The following WFDC8 variants were observed in gnomAD, a reference collection of about 807,000 sequenced individuals.
WFDC8 encodes WAP four-disulfide core domain 8, also known as WAP four-disulfide core domain protein 8.
In WFDC8, 24 loss-of-function variants were observed where a neutral mutation model predicts 27.0. The observed-to-expected ratio is 0.89, with a 90% CI of 0.64 to 1.25. The LOEUF (loss-of-function observed/expected upper bound fraction) is 1.25, where lower values mean the gene tolerates loss of function less well. WFDC8 is among the 50% of genes most tolerant of loss of function. The probability of loss-of-function intolerance (pLI) is 0.00; values close to 1 mark genes in which losing one functional copy is unlikely to be tolerated. For missense variants in WFDC8, 287 were observed against 295.9 expected, an observed-to-expected ratio of 0.97 and a Z score of 0.22; for synonymous variants, 106 against 99.7, an observed-to-expected ratio of 1.06 and a Z score of -0.38.
intron 5 of WFDC8, 76 bp from the exon 6 acceptor site, chr20:45,552,241 A>G (rs1267262220): frequency 6.4e-7 from 1 of 1,555,422 alleles, no homozygotes; most frequent in African/African-American, 1.4e-5. Flanking sequence ...GAATCTTGGG[A>G]ATCTCAAACA....
At chr20:45,556,933 CTGTT>C (rs1467588683) in intron 3 of WFDC8, among the ~76,000 whole-genome samples, 1 of 152,160 alleles carries the variant, frequency 6.6e-6, no homozygotes, top group African/African-American at 2.4e-5. Context: ...GTCATGGTCA[CTGTT>C]TGGTGGTCTG....
intron 5 of WFDC8, 51 bp from the exon 6 acceptor site, chr20:45,552,216 TG>T (rs1980060123): frequency 6.3e-7 from 1 of 1,599,680 alleles, no homozygotes; most frequent in South Asian, 1.1e-5. Context: ...GGTCATAATT[TG>T]AGACAAATTT....
At chr20:45,569,174 T>G (rs1980783690) in intron 1 of WFDC8, among the ~76,000 whole-genome samples, 1 of 152,226 alleles carries the variant, frequency 6.6e-6, no homozygotes, top group Non-Finnish European at 1.5e-5. Flanking sequence ...AAGACCCAGG[T>G]CTTACCTCTT....
chr20:45,552,300 A>C, intron 5 of WFDC8, 135 bp from the exon 6 acceptor site: 1 of 1,014,204 alleles, frequency 9.9e-7, no homozygotes, highest in Non-Finnish European at 1.4e-6. Flanking sequence ...CAGTAACAAT[A>C]GACTGGAGGA....
intron 2 of WFDC8, among the ~76,000 whole-genome samples, chr20:45,561,826 T>A (rs1295613412): frequency 6.6e-6 from 1 of 151,706 alleles, no homozygotes; most frequent in Non-Finnish European, 1.5e-5. Context: ...AGTGATATCA[T>A]AAGACAGATG....
chr20:45,568,696 T>G, intron 1 of WFDC8: 1 of 534,440 alleles, frequency 1.9e-6, no homozygotes. Context: ...AAGTCACCAC[T>G]GCCATGCTGA....
intron 4 of WFDC8, 90 bp from the exon 5 acceptor site, chr20:45,553,366 C>T: frequency 6.7e-7 from 1 of 1,484,282 alleles, no homozygotes; most frequent in Non-Finnish European, 9.0e-7. Context: ...AAGCTAGTAT[C>T]CCTTTCTGCA....
At chr20:45,573,408 T>C (rs1980937279) in intron 1 of WFDC8, among the ~76,000 whole-genome samples, 1 of 152,174 alleles carries the variant, frequency 6.6e-6, no homozygotes. Context: ...CCCCAAGTAG[T>C]GTACATTGTA....
chr20:45,577,023 A>G (rs1981068221), intron 1 of WFDC8, among the ~76,000 whole-genome samples: 1 of 151,382 alleles, frequency 6.6e-6, no homozygotes, highest in African/African-American at 2.4e-5. Flanking sequence ...ATCAATACTC[A>G]TGATGCTTTT....
At chr20:45,555,973 T>C in intron 3 of WFDC8, 105 bp from the exon 4 acceptor site, 1 of 1,204,236 alleles carries the variant, frequency 8.3e-7, no homozygotes, top group South Asian at 1.5e-5. Context: ...ACCCAAGTCA[T>C]AAAAGGAGCC....
intron 1 of WFDC8, among the ~76,000 whole-genome samples, chr20:45,578,630 G>A (rs1383308767): frequency 7.1e-6 from 1 of 141,266 alleles, no homozygotes; most frequent in East Asian, 1.9e-4. Context: ...AGACAGAAAT[G>A]TGTCTTCCTT....
intron 1 of WFDC8, among the ~76,000 whole-genome samples, chr20:45,573,690 T>A (rs1160202690): frequency 6.6e-6 from 1 of 152,216 alleles, no homozygotes; most frequent in Non-Finnish European, 1.5e-5. Context: ...ATCCATTGAG[T>A]TGATTTTTTT....
At chr20:45,568,729 T>C (rs1980768731) in intron 1 of WFDC8, 2 of 522,908 alleles carry the variant, frequency 3.8e-6, no homozygotes, top group Non-Finnish European at 3.9e-6. Context: ...TGAGAGCAGA[T>C]GGTGACCCAT....
chr20:45,571,671 T>G (rs1980873689), intron 1 of WFDC8, among the ~76,000 whole-genome samples: 1 of 152,218 alleles, frequency 6.6e-6, no homozygotes, highest in Non-Finnish European at 1.5e-5. Context: ...AACCACCATC[T>G]ACTCTCTACT....
At position 45,578,618 on chromosome 20, in the gene WFDC8, T is replaced by C. The variant is rs1337965566; in HGVS notation, c.26+604A>G. Among the ~76,000 whole-genome samples the C allele has an allele frequency of 2.8e-5, 4 of 141,266 alleles. No homozygotes were observed. In the South Asian group the frequency reaches 8.9e-4, roughly 31 times the overall value. 92.7% of individuals were successfully genotyped at this position (141,266 alleles called of 152,430 possible). A position where few individuals can be genotyped will look rare whatever the true frequency, so the allele number is the denominator to read the frequency against. On this transcript the variant is annotated intron_variant, in intron 1 of 5. Coordinates refer to ENST00000289953, the MANE Select transcript of WFDC8 (RefSeq NM_130896.3). ...CAGCTGACAGCAAACCCAAAGTCAA[T>C]GAGACAGAAATGTGTCTTCCTTCCA...
rs1402103454 is a variant in WFDC8 at position 45,576,754 on chromosome 20, A to C, written c.26+2468T>G. 1.3e-5 allele frequency among the ~76,000 whole-genome samples: 2 copies of C among 151,312 alleles called. 1 individual carries two copies. Among genetic ancestry groups the C allele is most frequent in the Non-Finnish European group, 3.0e-5 (2 of 67,660 alleles). On this transcript the variant is annotated intron_variant, in intron 1 of 5. Transcript: ENST00000289953. ...ACTATACTCTCTCTTCTTTGTTTGC[A>C]TTTGCCTAGTCTTTTTTCCATTCTT... is the stretch of plus-strand genomic sequence containing the variant.
chr20:45,565,021 A>AAAGAAAGAAAGG (rs144470212), intron 1 of WFDC8, among the ~76,000 whole-genome samples: 50,471 of 146,182 alleles, frequency 0.35, 9,369 homozygotes, highest in Non-Finnish European at 0.41. Flanking sequence ...AAAGAGAAAG[A>AAAGAAAGAAAGG]AAGGAAGGAA....
intron 1 of WFDC8, among the ~76,000 whole-genome samples, chr20:45,571,046 G>A (rs1394881436): frequency 2.0e-5 from 3 of 152,054 alleles, no homozygotes; most frequent in Non-Finnish European, 4.4e-5. Context: ...TGCTTGGGTA[G>A]GAGTTTCTCC....
chr20:45,553,359 C>T (rs1980118348), intron 4 of WFDC8, 83 bp from the exon 5 acceptor site: 2 of 1,502,388 alleles, frequency 1.3e-6, no homozygotes, highest in Non-Finnish European at 1.8e-6. Flanking sequence ...CTCTTCAAAG[C>T]TAGTATCCCT....
Sources: gnomAD v4.1 joint callset for allele counts (sites outside exome capture counted in the v4.1 genomes callset) on GRCh38, gnomAD v4.1.1 for gene constraint, MANE v1.5 for transcripts, NCBI Gene and HGNC (gene_info 2026-07-23, HGNC 2026-07-21) for gene names.